The following MYO1E variants were observed in gnomAD, a reference collection of about 807,000 sequenced individuals.
MYO1E encodes unconventional myosin-Ie.
MYO1E carries 68 observed loss-of-function variants against 151.1 expected under a neutral mutation model. The observed-to-expected ratio is 0.45, with a 90% confidence interval of 0.37 to 0.55. The LOEUF is 0.55. Among genes scored for constraint, MYO1E ranks in the 20% least tolerant of loss-of-function variants. The pLI is 0.00. For synonymous variants in MYO1E, 601 were observed against 501.7 expected, an observed-to-expected ratio of 1.20 and a Z score of -2.64; for missense variants, 1,363 against 1,389.3, an observed-to-expected ratio of 0.98 and a Z score of 0.30.
intron 1 of MYO1E, among the ~76,000 whole-genome samples, chr15:59,339,359 C>T (rs527778346): frequency 1.3e-5 from 2 of 152,250 alleles, no homozygotes; most frequent in African/African-American, 4.8e-5. Context: ...TTTGACTGAC[C>T]TTCTGGTTTC....
intron 1 of MYO1E, among the ~76,000 whole-genome samples, chr15:59,285,100 C>T (rs1484858134): frequency 1.3e-5 from 2 of 152,192 alleles, no homozygotes; most frequent in African/African-American, 4.8e-5. Flanking sequence ...TAATACGATT[C>T]AGGAATGTAA....
intron 17 of MYO1E, among the ~76,000 whole-genome samples, chr15:59,192,166 G>T (rs571643598): frequency 6.6e-6 from 1 of 152,222 alleles, no homozygotes; most frequent in Admixed American, 6.5e-5. Flanking sequence ...AGGATTAAGG[G>T]TGGAATCCCA....
chr15:59,184,559 C>T (rs1443668717), intron 18 of MYO1E, among the ~76,000 whole-genome samples: 1 of 151,990 alleles, frequency 6.6e-6, no homozygotes, highest in Admixed American at 6.6e-5. Flanking sequence ...CAGGGTTTCA[C>T]CACGTTGGCC....
chr15:59,347,957 C>T (rs74017744), intron 1 of MYO1E, among the ~76,000 whole-genome samples: 3,649 of 152,336 alleles, frequency 0.024, 134 homozygotes, highest in African/African-American at 0.083. Context: ...AGACCCACGT[C>T]ATTTTCAATT....
chr15:59,232,107 T>C (rs1184655848), intron 5 of MYO1E, among the ~76,000 whole-genome samples: 2 of 152,158 alleles, frequency 1.3e-5, no homozygotes, highest in East Asian at 1.9e-4. Context: ...AAAAGTGAAG[T>C]GGTACCTGAA....
intron 16 of MYO1E, among the ~76,000 whole-genome samples, chr15:59,197,137 C>G (rs1381423674): frequency 6.6e-6 from 1 of 151,742 alleles, no homozygotes; most frequent in Non-Finnish European, 1.5e-5. Flanking sequence ...GGACTACAGG[C>G]GTATGCCACC....
chr15:59,245,319 T>C (rs1353961953), intron 4 of MYO1E, among the ~76,000 whole-genome samples: 1 of 152,234 alleles, frequency 6.6e-6, no homozygotes, highest in Non-Finnish European at 1.5e-5. Context: ...CTTTTATCTT[T>C]ACTACTGCAA....
chr15:59,178,623 C>G (rs2079639946), intron 18 of MYO1E, 86 bp from the exon 19 acceptor site: 1 of 1,527,962 alleles, frequency 6.5e-7, no homozygotes, highest in Non-Finnish European at 8.9e-7. Flanking sequence ...GAGCTCTGCT[C>G]TGAAGGTGCC....
At chr15:59,181,483 T>C (rs2079658046) in intron 18 of MYO1E, among the ~76,000 whole-genome samples, 1 of 152,224 alleles carries the variant, frequency 6.6e-6, no homozygotes, top group Non-Finnish European at 1.5e-5. Context: ...GGCATAAAAG[T>C]TGTAGTGGGG....
At chr15:59,228,075 A>G (rs531080345) in intron 6 of MYO1E, among the ~76,000 whole-genome samples, 1 of 152,332 alleles carries the variant, frequency 6.6e-6, no homozygotes, top group East Asian at 1.9e-4. Flanking sequence ...TGACGGGCCT[A>G]GGGATTTTTG....
intron 1 of MYO1E, among the ~76,000 whole-genome samples, chr15:59,282,379 A>T (rs1326846701): frequency 6.6e-6 from 1 of 152,162 alleles, no homozygotes; most frequent in Admixed American, 6.5e-5. Context: ...AGTAGTCCCC[A>T]GGGTCAGGGC....
intron 1 of MYO1E, among the ~76,000 whole-genome samples, chr15:59,340,256 G>C (rs962673316): frequency 6.6e-6 from 1 of 152,124 alleles, no homozygotes; most frequent in Non-Finnish European, 1.5e-5. Flanking sequence ...GCTGCAGTGA[G>C]CCATGATCGT....
At chr15:59,238,244 C>T (rs1272084626) in intron 4 of MYO1E, among the ~76,000 whole-genome samples, 1 of 152,160 alleles carries the variant, frequency 6.6e-6, no homozygotes, top group African/African-American at 2.4e-5. Flanking sequence ...TTACTAGATC[C>T]AGGGTCAACA....
intron 1 of MYO1E, among the ~76,000 whole-genome samples, chr15:59,281,255 CTTTTCTTTTCT>C (rs749745934): frequency 1.3e-4 from 19 of 151,372 alleles, no homozygotes; most frequent in South Asian, 6.3e-4. Flanking sequence ...ATGACTTTTC[CTTTTCTTTTCT>C]TTTTCTTTTC....
intron 5 of MYO1E, among the ~76,000 whole-genome samples, chr15:59,233,787 A>G (rs1352034616): frequency 1.3e-5 from 2 of 151,532 alleles, no homozygotes; most frequent in Non-Finnish European, 2.9e-5. Context: ...AACCACATGA[A>G]CCTAGGTTCT....
rs1236427103 is a variant in MYO1E at position 59,372,555 on chromosome 15, G to A, written c.-55C>T. On this transcript the variant is annotated 5_prime_UTR_variant, in exon 1 of 28. Transcript: ENST00000288235. Reference sequence around the variant, plus strand: ...CGGGTCCCGCTGCCGGGGAACTGGGGCTGGAACGCAGTCTTCTGGGCGAAC... The same window carrying A: ...CGGGTCCCGCTGCCGGGGAACTGGGACTGGAACGCAGTCTTCTGGGCGAAC... The A allele has an allele frequency of 1.3e-6, 2 of 1,533,940 alleles. No homozygotes were observed. Among genetic ancestry groups the A allele is most frequent in the Non-Finnish European group, 1.8e-6 (2 of 1,140,264 alleles).
At chr15:59,282,963 G>T (rs2080365455) in intron 1 of MYO1E, among the ~76,000 whole-genome samples, 1 of 25,046 alleles carries the variant, frequency 4.0e-5, no homozygotes, top group Non-Finnish European at 8.4e-5. Flanking sequence ...GAGAGGGGAG[G>T]GGAAAGGGGA....
intron 26 of MYO1E, among the ~76,000 whole-genome samples, chr15:59,145,744 G>A (rs759935552): frequency 1.3e-5 from 2 of 152,220 alleles, no homozygotes; most frequent in East Asian, 1.9e-4. Flanking sequence ...TATTGCTGAT[G>A]TATGGTAGAA....
intron 1 of MYO1E, among the ~76,000 whole-genome samples, chr15:59,292,344 TG>T (rs1358981757): frequency 6.6e-6 from 1 of 152,258 alleles, no homozygotes. Flanking sequence ...CAGCATCTTC[TG>T]GCTGTGAGTT....
Sources: gnomAD v4.1 joint callset for allele counts (sites outside exome capture counted in the v4.1 genomes callset) on GRCh38, gnomAD v4.1.1 for gene constraint, MANE v1.5 for transcripts, NCBI Gene and HGNC (gene_info 2026-07-23, HGNC 2026-07-21) for gene names.